The following NRXN3 variants were observed in gnomAD, a reference collection of about 807,000 sequenced individuals.
NRXN3 encodes neurexin 3.
NRXN3 carries 32 observed loss-of-function variants against 137.6 expected under a neutral mutation model. That is an observed-to-expected ratio of 0.23 (90% CI 0.18 to 0.31). NRXN3 has a LOEUF of 0.31. NRXN3 is among the 10% of genes least tolerant of loss of function. The pLI, the probability that NRXN3 is intolerant of heterozygous loss-of-function variation, is 1.00. For missense variants in NRXN3, 1,574 were observed against 2,062.5 expected, an observed-to-expected ratio of 0.76 and a Z score of 4.59; for synonymous variants, 798 against 784.5, an observed-to-expected ratio of 1.02 and a Z score of -0.29.
intron 6 of NRXN3, among the ~76,000 whole-genome samples, chr14:78,705,286 A>G (rs2152816672): frequency 6.6e-6 from 1 of 152,348 alleles, no homozygotes; most frequent in South Asian, 2.1e-4. Flanking sequence ...TTTACAGAGA[A>G]CATTGTACCA....
chr14:78,822,534 G>T (rs1279920839), intron 10 of NRXN3, among the ~76,000 whole-genome samples: 1 of 151,860 alleles, frequency 6.6e-6, no homozygotes, highest in Non-Finnish European at 1.5e-5. Context: ...AATTACCCGG[G>T]CATGGCTTTG....
chr14:78,243,754 A>C lies in NRXN3; in HGVS notation c.661A>C (p.Thr221Pro). 1 of 1,596,892 alleles carries C rather than the reference A, an allele frequency of 6.3e-7. No individual in the cohort carries two copies. Among genetic ancestry groups the C allele is most frequent in the Non-Finnish European group, 8.5e-7 (1 of 1,179,054 alleles). Reference protein sequence around the residue: ...GICFLLDGHPTCDCSTTGYGG... With the variant: ...GICFLLDGHPPCDCSTTGYGG... ...CTGCTTTCTCCTGGACGGCCACCCC[A>C]CCTGTGACTGTTCTACCACTGGCTA... The change falls in exon 2 of 21, where the codon ACC becomes CCC. Residue 221 changes from threonine (T) to proline (P), a missense_variant. By Grantham distance (38) the Thr-to-Pro change is conservative. This residue lies in a region of NRXN3 where 400 missense variants were observed against 527.3 expected (regional missense o/e 0.76). Transcript: ENST00000335750. This position sits in a 1 kb window ranked among gnomAD's most constrained non-coding sequence, Gnocchi z 4.2.
chr14:78,427,748 G>A (rs919227429), intron 4 of NRXN3, among the ~76,000 whole-genome samples: 3 of 152,152 alleles, frequency 2.0e-5, no homozygotes, highest in African/African-American at 7.2e-5. Flanking sequence ...TCTCACTCAG[G>A]GAAGCAAGTT....
At chr14:79,780,813 A>G (rs1445229251) in intron 19 of NRXN3, among the ~76,000 whole-genome samples, 2 of 152,156 alleles carry the variant, frequency 1.3e-5, no homozygotes, top group African/African-American at 4.8e-5. Flanking sequence ...TTCAACTACC[A>G]TCGTAGTTAC....
At chr14:78,878,311 G>C (rs1006293916) in intron 10 of NRXN3, among the ~76,000 whole-genome samples, 1 of 152,092 alleles carries the variant, frequency 6.6e-6, no homozygotes, top group Non-Finnish European at 1.5e-5. Context: ...AAAAAGTCCA[G>C]AGGGCACAAG....
chr14:78,394,917 C>G (rs1278972764), intron 4 of NRXN3, among the ~76,000 whole-genome samples: 1 of 151,614 alleles, frequency 6.6e-6, no homozygotes, highest in Admixed American at 6.6e-5. Context: ...GTAGTGATAT[C>G]CCTTCTTTTA....
intron 15 of NRXN3, among the ~76,000 whole-genome samples, chr14:79,035,582 A>C (rs1228229216): frequency 6.6e-6 from 1 of 152,060 alleles, no homozygotes; most frequent in Non-Finnish European, 1.5e-5. Flanking sequence ...TTAGATCCAT[A>C]ACTGTACCAT....
At chr14:79,756,085 A>G (rs2099018487) in intron 19 of NRXN3, among the ~76,000 whole-genome samples, 1 of 152,138 alleles carries the variant, frequency 6.6e-6, no homozygotes, top group Non-Finnish European at 1.5e-5. Flanking sequence ...GAAAATCATC[A>G]TAGCTCTGCT....
At chr14:78,343,891 G>T (rs1351616752) in intron 4 of NRXN3, among the ~76,000 whole-genome samples, 1 of 152,192 alleles carries the variant, frequency 6.6e-6, no homozygotes, top group Admixed American at 6.5e-5. Flanking sequence ...TGCAATGAAG[G>T]TTGAACACAT....
chr14:78,553,928 CA>C (rs1287718049), intron 4 of NRXN3, among the ~76,000 whole-genome samples: 2 of 151,924 alleles, frequency 1.3e-5, no homozygotes, highest in African/African-American at 4.8e-5. Flanking sequence ...TGATTTATCA[CA>C]GTTGGAAAGA....
intron 15 of NRXN3, chr14:79,280,781 T>G: frequency 7.9e-6 from 4 of 505,382 alleles, no homozygotes; most frequent in Non-Finnish European, 1.4e-5. Flanking sequence ...CTTAGCTCCC[T>G]CATTCATAGC....
intron 16 of NRXN3, among the ~76,000 whole-genome samples, chr14:79,596,726 C>T (rs1315877570): frequency 6.6e-6 from 1 of 151,980 alleles, no homozygotes; most frequent in African/African-American, 2.4e-5. Context: ...TGGGGCTGAC[C>T]TGTCTCTGGT....
intron 15 of NRXN3, among the ~76,000 whole-genome samples, chr14:79,278,575 T>G (rs2080689040): frequency 1.3e-5 from 2 of 152,172 alleles, no homozygotes; most frequent in Admixed American, 1.3e-4. Context: ...CAGGCGCCAG[T>G]CACTTCTCTT....
In NRXN3 at chr14:78,810,354, C is replaced by T. The variant is rs759538099; in HGVS notation, c.2275+10C>T. On this transcript the variant is annotated intron_variant, in intron 10 of 20. Transcript: ENST00000335750. ...ATAAACTGTAACTCCAGTAAGTTTT[C>T]CCTCAAGTTTCATTTTGTTCTTTAA... is the stretch of plus-strand genomic sequence containing the variant. 3 of 1,427,614 alleles carry T rather than the reference C, an allele frequency of 2.1e-6. No individual in the cohort carries two copies. The highest frequency in any genetic ancestry group is 1.4e-5 in the South Asian group (1 of 72,296). The allele number at this position is 1,427,614 out of a possible 1,614,324, so 88.4% of individuals were successfully genotyped here.
At chr14:78,923,594 G>A (rs2099276986) in intron 10 of NRXN3, among the ~76,000 whole-genome samples, 1 of 152,190 alleles carries the variant, frequency 6.6e-6, no homozygotes, top group Non-Finnish European at 1.5e-5. Flanking sequence ...GCTCCCACAA[G>A]ACAGAAGAGA....
intron 10 of NRXN3, among the ~76,000 whole-genome samples, chr14:78,868,855 A>G (rs900788524): frequency 3.3e-5 from 5 of 152,018 alleles, no homozygotes; most frequent in African/African-American, 1.2e-4. Context: ...AAAATAAAAA[A>G]GAAACATAGC....
intron 19 of NRXN3, among the ~76,000 whole-genome samples, chr14:79,741,660 AT>A (rs1396235591): frequency 4.6e-5 from 7 of 151,724 alleles, no homozygotes; most frequent in African/African-American, 1.5e-4. Flanking sequence ...AAGTTTTTGT[AT>A]TTTTAGTAGA....
At chr14:79,000,038 C>T (rs1057262585) in intron 15 of NRXN3, among the ~76,000 whole-genome samples, 3 of 152,080 alleles carry the variant, frequency 2.0e-5, no homozygotes, top group East Asian at 1.9e-4. Context: ...TTTTTTCACA[C>T]CCTGGATTGC....
chr14:78,325,752 C>T (rs111818796), intron 4 of NRXN3, among the ~76,000 whole-genome samples: 251 of 152,204 alleles, frequency 1.6e-3, no homozygotes, highest in African/African-American at 5.8e-3. Context: ...TGTTTCATCT[C>T]TCTGCCCCTG....
Sources: allele counts gnomAD v4.1 joint callset (sites outside exome capture counted in the v4.1 genomes callset), GRCh38; gene constraint gnomAD v4.1.1; regional missense constraint gnomAD v4.1.1; non-coding constraint Gnocchi (gnomAD v3.1); transcripts MANE v1.5; gene names NCBI Gene and HGNC (gene_info 2026-07-23, HGNC 2026-07-21).